The following CDC42SE2 variants were observed in gnomAD, a reference collection of about 807,000 sequenced individuals.
CDC42SE2 encodes CDC42 small effector 2, also known as CDC42 small effector protein 2.
In CDC42SE2, 3 loss-of-function variants were observed where a neutral mutation model predicts 11.5. The ratio of observed to expected loss-of-function variants is 0.26; its 90% CI spans 0.12 to 0.67. The LOEUF (loss-of-function observed/expected upper bound fraction) is 0.67. Among genes scored for constraint, CDC42SE2 ranks in the 30% least tolerant of loss-of-function variants. CDC42SE2 has a pLI of 0.80. For missense variants in CDC42SE2, 82 were observed against 106.8 expected, an observed-to-expected ratio of 0.77 and a Z score of 1.02; for synonymous variants, 33 against 34.8, an observed-to-expected ratio of 0.95 and a Z score of 0.18.
intron 3 of CDC42SE2, among the ~76,000 whole-genome samples, chr5:131,370,935 A>ATAT (rs1270855982): frequency 1.3e-5 from 2 of 152,156 alleles, no homozygotes; most frequent in Non-Finnish European, 2.9e-5. Context: ...TGATGTATAC[A>ATAT]AATAGGAAAG....
At chr5:131,329,424 C>G (rs372840807) in intron 2 of CDC42SE2, among the ~76,000 whole-genome samples, 2 of 151,972 alleles carry the variant, frequency 1.3e-5, no homozygotes, top group East Asian at 3.9e-4. Context: ...TGGAAGGGAC[C>G]AGAAGTCCAT....
the CDC42SE2 span, among the ~76,000 whole-genome samples, chr5:131,227,736 T>C: frequency 6.6e-6 from 1 of 152,100 alleles, no homozygotes; most frequent in African/African-American, 2.4e-5. Context: ...TTGGAGGTGA[T>C]ATAAAGAAGT....
intron 2 of CDC42SE2, among the ~76,000 whole-genome samples, chr5:131,347,764 A>C (rs897574291): frequency 6.6e-6 from 1 of 152,232 alleles, no homozygotes; most frequent in African/African-American, 2.4e-5. Context: ...AATACTGGCA[A>C]ACCAAATCCA....
At chr5:131,237,592 A>G in the CDC42SE2 span, among the ~76,000 whole-genome samples, 1 of 151,892 alleles carries the variant, frequency 6.6e-6, no homozygotes, top group Non-Finnish European at 1.5e-5. Flanking sequence ...ATTTTTATTT[A>G]TCTTTGAGAC....
intron 3 of CDC42SE2, among the ~76,000 whole-genome samples, chr5:131,364,680 A>T (rs1363367491): frequency 2.6e-5 from 4 of 152,232 alleles, no homozygotes; most frequent in Non-Finnish European, 2.9e-5. Context: ...CTTCATGCAC[A>T]TTTAGCCTCC....
chr5:131,371,822 A>G (rs2149780382), intron 3 of CDC42SE2, among the ~76,000 whole-genome samples: 1 of 152,376 alleles, frequency 6.6e-6, no homozygotes, highest in African/African-American at 2.4e-5. Flanking sequence ...ATACAGCACT[A>G]GGTGATAAGT....
At chr5:131,361,374 G>A (rs767368199) in intron 3 of CDC42SE2, among the ~76,000 whole-genome samples, 57 of 152,030 alleles carry the variant, frequency 3.7e-4, no homozygotes, top group Middle Eastern at 3.2e-3. Context: ...ATACTGAAAC[G>A]GGAAAAGTTC....
rs370028776 is a variant in CDC42SE2 at position 131,391,036 on chromosome 5, G to A, written c.200G>A (p.Gly67Glu). ...QNQMQSKGGYGGGMPANVQMQ... is the reference protein window; with the variant it reads ...QNQMQSKGGYEGGMPANVQMQ... Reference sequence around the variant, plus strand: ...CAAATGCAGTCCAAGGGAGGTTATGGAGGTGGAATGCCTGCCAATGTCCAG... The same window carrying A: ...CAAATGCAGTCCAAGGGAGGTTATGAAGGTGGAATGCCTGCCAATGTCCAG... Residue 67 changes from glycine (G) to glutamate (E), a missense_variant, in exon 5 of 5, where the codon GGA (glycine) becomes GAA (glutamate). Physicochemically the swap from Gly to Glu is moderately conservative, Grantham distance 98. Transcript: ENST00000505065. 2.5e-6 allele frequency: 4 copies of A among 1,613,328 alleles called. No individual in the cohort carries two copies. Among genetic ancestry groups the A allele is most frequent in the Non-Finnish European group, 2.5e-6 (3 of 1,179,542 alleles).
At position 131,392,834 on chromosome 5, in the gene CDC42SE2, C is replaced by T. The variant is rs1310948353; in HGVS notation, c.*1743C>T. On this transcript the variant is annotated 3_prime_UTR_variant, in exon 5 of 5. Transcript: ENST00000505065. ...TTGAACTTCTGGCCTGTACTACTAACTGCAGACCTCCAGAGTCACTGGCCT... is the reference window on the plus strand; with the variant it reads ...TTGAACTTCTGGCCTGTACTACTAATTGCAGACCTCCAGAGTCACTGGCCT... 1 of 152,352 alleles carries T rather than the reference C, an allele frequency of 6.6e-6. No homozygotes were observed. The highest frequency in any genetic ancestry group is 2.4e-5 in the African/African-American group (1 of 41,436). The allele number at this position is 152,352 out of a possible 1,614,324, so 9.4% of individuals were successfully genotyped here.
intron 1 of CDC42SE2, among the ~76,000 whole-genome samples, chr5:131,280,106 C>G (rs1228710187): frequency 6.6e-6 from 1 of 152,136 alleles, no homozygotes; most frequent in Admixed American, 6.6e-5. Flanking sequence ...AGTTTATTGG[C>G]ATTTTTTGAG....
chr5:131,332,920 C>T (rs939025049), intron 2 of CDC42SE2, among the ~76,000 whole-genome samples: 12 of 152,204 alleles, frequency 7.9e-5, no homozygotes, highest in Non-Finnish European at 1.5e-4. Context: ...CTGTAGGTTG[C>T]CTGTTCACTC....
At chr5:131,317,536 A>C (rs1039250856) in intron 2 of CDC42SE2, among the ~76,000 whole-genome samples, 2 of 151,704 alleles carry the variant, frequency 1.3e-5, no homozygotes, top group African/African-American at 4.8e-5. Context: ...GGTGGAGGGA[A>C]GTTTGGCGGT....
intron 2 of CDC42SE2, among the ~76,000 whole-genome samples, chr5:131,336,674 T>G (rs1377751337): frequency 6.6e-6 from 1 of 152,216 alleles, no homozygotes; most frequent in African/African-American, 2.4e-5. Context: ...TCGTTTCTTT[T>G]TATTCTTTTT....
chr5:131,248,564 T>C (rs1756614807), intron 1 of CDC42SE2, among the ~76,000 whole-genome samples: 1 of 152,208 alleles, frequency 6.6e-6, no homozygotes, highest in Non-Finnish European at 1.5e-5. Flanking sequence ...AAACTGTATT[T>C]GTGGTTGATA....
At chr5:131,311,009 G>A (rs971652019) in intron 1 of CDC42SE2, among the ~76,000 whole-genome samples, 20 of 149,996 alleles carry the variant, frequency 1.3e-4, no homozygotes, top group East Asian at 3.9e-4. Context: ...TATTTTGCTC[G>A]TTAGTTGATG....
At chr5:131,256,966 T>G (rs1177523997) in intron 2 of CDC42SE2, among the ~76,000 whole-genome samples, 1 of 152,220 alleles carries the variant, frequency 6.6e-6, no homozygotes, top group Admixed American at 6.5e-5. Context: ...TTCTGGAGAT[T>G]AGGACCCAGA....
At chr5:131,368,394 A>T (rs1396462818) in intron 3 of CDC42SE2, among the ~76,000 whole-genome samples, 1 of 152,194 alleles carries the variant, frequency 6.6e-6, no homozygotes, top group Non-Finnish European at 1.5e-5. Flanking sequence ...ACGATGATAC[A>T]CAATGTCTTC....
At chr5:131,387,816 C>A (rs921476051) in intron 4 of CDC42SE2, among the ~76,000 whole-genome samples, 2 of 152,122 alleles carry the variant, frequency 1.3e-5, no homozygotes. Context: ...CTCCAGGCAG[C>A]CTTCTCTGCT....
intron 2 of CDC42SE2, among the ~76,000 whole-genome samples, chr5:131,335,354 T>G (rs1333179750): frequency 6.6e-6 from 1 of 152,094 alleles, no homozygotes; most frequent in African/African-American, 2.4e-5. Flanking sequence ...ATTTCTGTTC[T>G]TTTCCATTTG....
Sources: gnomAD v4.1 joint callset for allele counts (sites outside exome capture counted in the v4.1 genomes callset) on GRCh38, gnomAD v4.1.1 for gene constraint, MANE v1.5 for transcripts, NCBI Gene and HGNC (gene_info 2026-07-23, HGNC 2026-07-21) for gene names.